Variants in KHDRBS2 observed in about 807,000 individuals in gnomAD.
KHDRBS2 encodes KH domain-containing, RNA-binding, signal transduction-associated protein 2.
In KHDRBS2, 26 loss-of-function variants were observed where a neutral mutation model predicts 44.3. That is an observed-to-expected ratio of 0.59 (90% CI 0.43 to 0.81). KHDRBS2 has a LOEUF of 0.81. KHDRBS2 is among the 40% of genes least tolerant of loss of function. The pLI, the probability that KHDRBS2 is intolerant of heterozygous loss-of-function variation, is 0.00. For missense variants in KHDRBS2, 476 were observed against 433.1 expected (o/e 1.10, Z -0.88); for synonymous variants, 194 against 151.1 (o/e 1.28, Z -2.08).
At position 62,177,260 on chromosome 6, in the gene KHDRBS2, CTTCTT is replaced by C. The variant is rs907920834; in HGVS notation, c.139_143del (p.Lys47ValfsTer3). On this transcript the variant is annotated frameshift_variant, in exon 2 of 9. Coordinates refer to ENST00000281156, the MANE Select transcript of KHDRBS2 (RefSeq NM_152688.4). LOFTEE classifies it high-confidence loss of function. Reference sequence around the variant, plus strand: ...TTTTGTTGCTGATGACATCAAGATACTTCTTTTCTTCGTCTTCCTTTTTTCCATCA... The same window carrying C: ...TTTTGTTGCTGATGACATCAAGATACTTCTTCGTCTTCCTTTTTTCCATCA... The C allele has an allele frequency of 3.1e-6, 5 of 1,600,698 alleles. No homozygotes were observed. Among genetic ancestry groups the C allele is most frequent in the Non-Finnish European group, 4.3e-6 (5 of 1,170,254 alleles).
chr6:61,562,705 C>A, the KHDRBS2 span, among the ~76,000 whole-genome samples: 19 of 152,138 alleles, frequency 1.2e-4, no homozygotes, highest in Non-Finnish European at 2.5e-4. Flanking sequence ...AGAGCAGAAA[C>A]CTAACTTTGA....
chr6:61,598,825 CTTTTTTCTTTTCT>C, the KHDRBS2 span, among the ~76,000 whole-genome samples: 1 of 56,498 alleles, frequency 1.8e-5, no homozygotes, highest in African/African-American at 8.1e-5. Context: ...GTAGAGTGTC[CTTTTTTCTTTTCT>C]TTTTTTTTTT....
At chr6:61,631,165 C>T in the KHDRBS2 span, among the ~76,000 whole-genome samples, 6 of 151,860 alleles carry the variant, frequency 4.0e-5, no homozygotes, top group Non-Finnish European at 7.4e-5. Context: ...TTATTCAGGA[C>T]GTGCCATCAT....
At chr6:62,139,618 G>A (rs1309196125) in intron 2 of KHDRBS2, among the ~76,000 whole-genome samples, 1 of 151,194 alleles carries the variant, frequency 6.6e-6, no homozygotes, top group Non-Finnish European at 1.5e-5. Context: ...TATATCTTTT[G>A]ACTACTGTTT....
At chr6:61,789,261 C>T (rs1389308524) in intron 6 of KHDRBS2, among the ~76,000 whole-genome samples, 1 of 150,754 alleles carries the variant, frequency 6.6e-6, no homozygotes, top group Non-Finnish European at 1.5e-5. Context: ...TTTGAAAAGA[C>T]AAATTGAAAA....
At chr6:62,224,885 T>C (rs1057367949) in intron 1 of KHDRBS2, among the ~76,000 whole-genome samples, 4 of 152,188 alleles carry the variant, frequency 2.6e-5, no homozygotes, top group Non-Finnish European at 5.9e-5. Context: ...TGCTCAAAGA[T>C]ATCCCTACCT....
At chr6:61,684,378 A>T (rs1229832211) in intron 8 of KHDRBS2, among the ~76,000 whole-genome samples, 1 of 151,878 alleles carries the variant, frequency 6.6e-6, no homozygotes, top group Non-Finnish European at 1.5e-5. Flanking sequence ...ATAGGGAGAG[A>T]CAAATCATGA....
rs182323233 is a variant in KHDRBS2 at position 62,162,165 on chromosome 6, C to A, written c.219+15020G>T. ...GCTTTTATAATTGCTCTTTATTTACCTTTATTAAGATCTTTATGTCTTCAT... is the reference window on the plus strand; with the variant it reads ...GCTTTTATAATTGCTCTTTATTTACATTTATTAAGATCTTTATGTCTTCAT... On this transcript the variant is annotated intron_variant, in intron 2 of 8. Transcript: ENST00000281156. Among the ~76,000 whole-genome samples, 761 of 151,918 alleles carry A rather than the reference C, an allele frequency of 5.0e-3. 7 individuals carry two copies. The highest frequency in any genetic ancestry group is 0.01 in the Middle Eastern group (3 of 294).
At chr6:62,278,876 C>T (rs1169672351) in intron 1 of KHDRBS2, among the ~76,000 whole-genome samples, 3 of 152,020 alleles carry the variant, frequency 2.0e-5, no homozygotes, top group Non-Finnish European at 4.4e-5. Context: ...GGGCGGATCA[C>T]GAGGTCAGGA....
chr6:62,059,211 T>TG (rs1562749028), intron 2 of KHDRBS2, among the ~76,000 whole-genome samples: 4 of 115,648 alleles, frequency 3.5e-5, no homozygotes, highest in Non-Finnish European at 1.7e-5. Flanking sequence ...TTTTTTTTTT[T>TG]TTTTTTTTTT....
intron 7 of KHDRBS2, among the ~76,000 whole-genome samples, chr6:61,718,197 A>G (rs1771759442): frequency 6.6e-6 from 1 of 152,030 alleles, no homozygotes. Flanking sequence ...TTGAGCAAAA[A>G]AAGCAGTGGC....
chr6:62,069,033 G>C (rs1201673314), intron 2 of KHDRBS2, among the ~76,000 whole-genome samples: 1 of 151,494 alleles, frequency 6.6e-6, no homozygotes, highest in Non-Finnish European at 1.5e-5. Context: ...AAAGATACTA[G>C]GGATTTTGAT....
At chr6:61,732,068 T>C (rs1310510605) in intron 7 of KHDRBS2, among the ~76,000 whole-genome samples, 5 of 152,100 alleles carry the variant, frequency 3.3e-5, no homozygotes, top group African/African-American at 1.2e-4. Flanking sequence ...CATTACACAG[T>C]AGTTTGCATC....
At chr6:61,575,238 C>G in the KHDRBS2 span, among the ~76,000 whole-genome samples, 1 of 152,084 alleles carries the variant, frequency 6.6e-6, no homozygotes, top group Non-Finnish European at 1.5e-5. Context: ...AATGTCCAGA[C>G]TCTACAAGGA....
At chr6:61,694,991 C>T (rs79599025) in intron 8 of KHDRBS2, among the ~76,000 whole-genome samples, 1 of 151,970 alleles carries the variant, frequency 6.6e-6, no homozygotes, top group African/African-American at 2.4e-5. Flanking sequence ...GCCTGGTGCT[C>T]ATTTTGGATT....
intron 2 of KHDRBS2, among the ~76,000 whole-genome samples, chr6:62,049,914 A>G (rs1248125679): frequency 6.6e-6 from 1 of 152,098 alleles, no homozygotes; most frequent in Non-Finnish European, 1.5e-5. Context: ...CAGATATACC[A>G]CTTGACTCAG....
chr6:61,651,716 C>T, the KHDRBS2 span, among the ~76,000 whole-genome samples: 1 of 152,050 alleles, frequency 6.6e-6, no homozygotes, highest in African/African-American at 2.4e-5. Context: ...CATTAATAAC[C>T]ACAGTCAATA....
rs560141749 is a variant in KHDRBS2, at chr6:61,975,235, C to T, written c.483+2831G>A. 8.2e-4 allele frequency among the ~76,000 whole-genome samples: 125 copies of T among 152,174 alleles called. 2 individuals are homozygous for T. The South Asian group carries it at 0.015, about 18-fold the overall frequency. On this transcript the variant is annotated intron_variant, in intron 4 of 8. Coordinates refer to ENST00000281156, the MANE Select transcript of KHDRBS2 (RefSeq NM_152688.4). ...AAGAGGTAGAAGAAGGTAAAAAGTC[C>T]TACCATGGAAAATTAATCCCTTTCG...
intron 4 of KHDRBS2, among the ~76,000 whole-genome samples, chr6:61,972,045 T>C (rs527501682): frequency 6.6e-6 from 1 of 152,158 alleles, no homozygotes; most frequent in Admixed American, 6.6e-5. Flanking sequence ...AGATAAAAAT[T>C]ATAAACCTTA....
Sources: allele counts gnomAD v4.1 joint callset (sites outside exome capture counted in the v4.1 genomes callset), GRCh38; gene constraint gnomAD v4.1.1; transcripts MANE v1.5; gene names NCBI Gene and HGNC (gene_info 2026-07-23, HGNC 2026-07-21).